ITGA2B: variants seen among roughly 807,000 people sequenced by gnomAD.
ITGA2B encodes the protein integrin subunit alpha 2b, also known as integrin alpha-IIb.
A neutral mutation model predicts 142.0 loss-of-function variants in ITGA2B; 91 were observed. The ratio of observed to expected loss-of-function variants is 0.64; its 90% confidence interval spans 0.54 to 0.76. The LOEUF (loss-of-function observed/expected upper bound fraction) is 0.76, where lower values mean the gene tolerates loss of function less well. ITGA2B is among the 30% of genes least tolerant of loss of function. The pLI, the probability that ITGA2B is intolerant of heterozygous loss-of-function variation, is 0.00. For synonymous variants in ITGA2B, 536 were observed against 567.2 expected, an observed-to-expected ratio of 0.94 and a Z score of 0.78; for missense variants, 1,231 against 1,350.8, an observed-to-expected ratio of 0.91 and a Z score of 1.39.
chr17:44,381,687 G>A (rs1040346365), intron 12 of ITGA2B, among the ~76,000 whole-genome samples: 4 of 151,080 alleles, frequency 2.6e-5, no homozygotes, highest in African/African-American at 7.3e-5. Flanking sequence ...AGGCTGAAGT[G>A]CAGTGGTGCA....
chr17:44,384,346 C>T lies in ITGA2B; in HGVS notation c.856G>A (p.Val286Ile). ...DGDLNTTEYV[V>I]GAPTWSWTLG... ...GTCCAGCTCCAAGTGGGGGCACCGA[C>T]GACATATTCTGGCGATAGGGAGAGC... Residue 286 changes from valine to isoleucine, a missense_variant, in exon 9 of 30, where the codon GTC becomes ATC. Val to Ile is a conservative substitution (Grantham distance 29). This residue lies in a region of ITGA2B where 908 missense variants were observed against 1,021.1 expected (regional missense o/e 0.89). Transcript: ENST00000262407. 2.5e-6 allele frequency: 4 copies of T among 1,613,614 alleles called. No homozygotes were observed. The highest frequency in any genetic ancestry group is 2.5e-6 in the Non-Finnish European group (3 of 1,179,946).
At position 44,376,202 on chromosome 17, in the gene ITGA2B, C is replaced by T. The variant is rs778115155; in HGVS notation, c.2349-18G>A. On this transcript the variant is annotated intron_variant, in intron 23 of 29. Coordinates refer to ENST00000262407, the MANE Select transcript of ITGA2B (RefSeq NM_000419.5). ...AGGAGTTCCTGCAGGTGCCCAAGACCCCCAGAGAGAGTGTGATGCCCTGAT... is the reference window on the plus strand; with the variant it reads ...AGGAGTTCCTGCAGGTGCCCAAGACTCCCAGAGAGAGTGTGATGCCCTGAT... 2 of 1,614,122 alleles carry T rather than the reference C, an allele frequency of 1.2e-6. No individual in the cohort carries two copies. Among genetic ancestry groups the T allele is most frequent in the South Asian group, 1.1e-5 (1 of 91,084 alleles).
At chr17:44,373,977 C>CCGTA in intron 29 of ITGA2B, 1 of 223,804 alleles carries the variant, frequency 4.5e-6, no homozygotes. Context: ...GTGATCTCGG[C>CCGTA]TCACTGCAAC....
At chr17:44,387,977 T>G (rs2048665266) in intron 1 of ITGA2B, among the ~76,000 whole-genome samples, 1 of 152,050 alleles carries the variant, frequency 6.6e-6, no homozygotes, top group African/African-American at 2.4e-5. Flanking sequence ...AGACACTGGA[T>G]GTGGGCCATC....
chr17:44,389,268 A>C lies in ITGA2B; in HGVS notation c.188+18T>G. On this transcript the variant is annotated intron_variant, in intron 1 of 29. Transcript: ENST00000262407. The stretch of plus-strand genomic sequence containing the variant: ...GGTCCTGCTCTCTCCCAATACCCCA[A>C]CTTCCCTTACGGCTCACCTCCCATG... 6.2e-7 allele frequency: 1 copy of C among 1,613,852 alleles called. No homozygotes were observed. The highest frequency in any genetic ancestry group is 8.5e-7 in the Non-Finnish European group (1 of 1,179,952).
Position 44,385,543 on chromosome 17 carries a change from G to A in ITGA2B, c.574+8C>T. On this transcript the variant is annotated splice_region_variant and intron_variant, in intron 4 of 29. Transcript: ENST00000262407. ...AGTGGGCGGGGCCAGGTCGTAGCTG[G>A]CGCTTACTAAAATCATTTTCCACGT... 6.4e-7 allele frequency: 1 copy of A among 1,556,048 alleles called. No homozygotes were observed. Among genetic ancestry groups the A allele is most frequent in the Non-Finnish European group, 8.6e-7 (1 of 1,156,294 alleles).
rs914957075 is a variant in ITGA2B, at chr17:44,374,690, G to T, written c.2912C>A (p.Pro971His). 1.2e-6 allele frequency: 2 copies of T among 1,614,028 alleles called. No individual in the cohort carries two copies. Among genetic ancestry groups the T allele is most frequent in the Non-Finnish European group, 1.7e-6 (2 of 1,179,972 alleles). The stretch of plus-strand genomic sequence containing the variant: ...TTCCCCTCGGGGCAGGCTGAGCGGG[G>T]GCACCGCATAGGGGAGGGAGGACAC... The part of the protein sequence containing the change: ...FNVSSLPYAV[P>H]PLSLPRGEAQ... Residue 971 changes from proline (P) to histidine (H), a missense_variant, in exon 28 of 30, where the codon CCC becomes CAC. Pro to His is a moderately conservative substitution (Grantham distance 77). Transcript: ENST00000262407.
Position 44,378,365 on chromosome 17 carries a change from G to C in ITGA2B, c.2091C>G (p.Val697=). The change falls in exon 20 of 30, where the codon GTC becomes GTG. Residue 697 remains valine (V), a synonymous_variant. Transcript: ENST00000262407. ...GTTCCCAGGGTGGGGGCCATACCTC[G>C]ACATTGCTTAGGGCCCGCATGTAGT... ...GAHYMRALSN[V]EGFERLICNQ... The C allele has an allele frequency of 6.2e-7, 1 of 1,610,814 alleles. No individual in the cohort carries two copies. Among genetic ancestry groups the C allele is most frequent in the Non-Finnish European group, 8.5e-7 (1 of 1,178,872 alleles).
In ITGA2B at chr17:44,385,619, C is replaced by T; in HGVS notation, c.506G>A (p.Gly169Asp). ...ACAGGGGGAGTACTCGGCGCGGCGGCCGCTCTCTGGCTGAGCCAAAAAGCA... is the reference window on the plus strand; with the variant it reads ...ACAGGGGGAGTACTCGGCGCGGCGGTCGCTCTCTGGCTGAGCCAAAAAGCA... ...GSCFLAQPES[G>D]RRAEYSPCRG... Residue 169 changes from glycine to aspartate, a missense_variant, in exon 4 of 30, where the codon GGC (glycine) becomes GAC (aspartate). By Grantham distance (94) the Gly-to-Asp change is moderately conservative. Transcript: ENST00000262407. 1.2e-6 allele frequency: 2 copies of T among 1,612,650 alleles called. No homozygotes were observed. Among genetic ancestry groups the T allele is most frequent in the Non-Finnish European group, 8.5e-7 (1 of 1,179,834 alleles).
At position 44,384,987 on chromosome 17, in the gene ITGA2B, AG is replaced by A; in HGVS notation, c.759del (p.Phe254LeufsTer125). The part of the protein sequence containing the change: ...LLWHVSSQSL[S>X]FDSSNPEYFD... ...AAGTACTCTGGGTTGCTGGAGTCAAAGGAGAGGCTCTGGGAGGACACGTGCC... is the reference window on the plus strand; with the variant it reads ...AAGTACTCTGGGTTGCTGGAGTCAAAGAGAGGCTCTGGGAGGACACGTGCC... On this transcript the variant is annotated frameshift_variant, in exon 7 of 30. Transcript: ENST00000262407. 1 of 1,614,104 alleles carries A rather than the reference AG, an allele frequency of 6.2e-7. No individual in the cohort carries two copies. Among genetic ancestry groups the A allele is most frequent in the Non-Finnish European group, 8.5e-7 (1 of 1,180,010 alleles).
intron 7 of ITGA2B, 122 bp downstream of exon 7, chr17:44,384,826 G>C (rs2048629573): frequency 6.6e-7 from 1 of 1,506,144 alleles, no homozygotes; most frequent in African/African-American, 1.4e-5. Context: ...GAGGGCGGGA[G>C]CGGCTTAGGC....
At chr17:44,374,959 CCAGAAGG>C in intron 27 of ITGA2B, 32 bp downstream of exon 27, 1 of 1,469,042 alleles carries the variant, frequency 6.8e-7, no homozygotes, top group Non-Finnish European at 9.2e-7. Context: ...TGGTCCCCGC[CCAGAAGG>C]CCCGGCCCCG....
rs1567899068 is a variant in ITGA2B, at chr17:44,376,297, T to G, written c.2348+11A>C. On this transcript the variant is annotated intron_variant, in intron 23 of 29. Transcript: ENST00000262407. ...GAATGCCATCTCCCTTCTCCACCCC[T>G]GGCCTCTCACCCTCGCAGCTCCACT... The G allele has an allele frequency of 1.2e-6, 2 of 1,614,138 alleles. No individual in the cohort carries two copies. The highest frequency in any genetic ancestry group is 1.7e-6 in the Non-Finnish European group (2 of 1,179,988).
In ITGA2B at chr17:44,374,833, C is replaced by A. The variant is rs2048525628; in HGVS notation, c.2842-73G>T. On this transcript the variant is annotated intron_variant, in intron 27 of 29. Coordinates refer to ENST00000262407, the MANE Select transcript of ITGA2B (RefSeq NM_000419.5). ...TGGTTGCAGGAGTCCAGGTCCCACA[C>A]CCCCGGCGGGGAAGCCCTGCCTCTG... The A allele has an allele frequency of 4.3e-6, 6 of 1,410,722 alleles. No individual in the cohort carries two copies. The Admixed American group carries it at 7.2e-5, about 17-fold the overall frequency. The allele number at this position is 1,410,722 out of a possible 1,614,324, so 87.4% of individuals were successfully genotyped here.
chr17:44,376,202 C>G lies in ITGA2B; in HGVS notation c.2349-18G>C. The G allele has an allele frequency of 1.2e-6, 2 of 1,614,122 alleles. No homozygotes were observed. Among genetic ancestry groups the G allele is most frequent in the Non-Finnish European group, 1.7e-6 (2 of 1,179,982 alleles). On this transcript the variant is annotated intron_variant, in intron 23 of 29. Transcript: ENST00000262407. Reference sequence around the variant, plus strand: ...AGGAGTTCCTGCAGGTGCCCAAGACCCCCAGAGAGAGTGTGATGCCCTGAT... The same window carrying G: ...AGGAGTTCCTGCAGGTGCCCAAGACGCCCAGAGAGAGTGTGATGCCCTGAT...
intron 1 of ITGA2B, among the ~76,000 whole-genome samples, chr17:44,387,854 A>G (rs2048664006): frequency 2.1e-5 from 3 of 144,830 alleles, no homozygotes; most frequent in Non-Finnish European, 3.0e-5. Flanking sequence ...AAAAAAAAAA[A>G]GAAGAAGAAG....
chr17:44,378,618 C>T (rs1487880657), intron 19 of ITGA2B, 25 bp downstream of exon 19: 10 of 1,574,906 alleles, frequency 6.3e-6, no homozygotes, highest in African/African-American at 4.0e-5. Flanking sequence ...GGGCCAGGGT[C>T]GGGCAGAATG....
Position 44,386,149 on chromosome 17 carries a change from G to A in ITGA2B, c.189-18C>T, listed in dbSNP as rs1020709675. On this transcript the variant is annotated intron_variant, in intron 1 of 29. Transcript: ENST00000262407. ...TGGCCACTCTGCATAGGAAAGCTGG[G>A]TGAGCGCCGCGCAGATTCCAGCGTA... The A allele has an allele frequency of 8.9e-6, 14 of 1,578,878 alleles. No individual in the cohort carries two copies. The African/African-American group carries it at 1.2e-4, about 14-fold the overall frequency.
chr17:44,384,452 A>C, intron 8 of ITGA2B, 86 bp downstream of exon 8: 3 of 1,607,990 alleles, frequency 1.9e-6, no homozygotes, highest in Non-Finnish European at 2.6e-6. Context: ...TGTGTGCAGG[A>C]AGATTTCCCT....
Sources: gnomAD v4.1 joint callset for allele counts (sites outside exome capture counted in the v4.1 genomes callset) on GRCh38, gnomAD v4.1.1 for gene constraint, gnomAD v4.1.1 regional missense constraint, MANE v1.5 for transcripts, NCBI Gene and HGNC (gene_info 2026-07-23, HGNC 2026-07-21) for gene names.